HELZ2: variants seen among roughly 807,000 people sequenced by gnomAD.
HELZ2 encodes helicase with zinc finger 2, also known as 3'-5' exoribonuclease HELZ2.
In HELZ2, 143 loss-of-function variants were observed where a neutral mutation model predicts 208.8. The ratio of observed to expected loss-of-function variants is 0.68; its 90% CI spans 0.60 to 0.79. HELZ2 has a LOEUF of 0.79. Among genes scored for constraint, HELZ2 ranks in the 30% least tolerant of loss-of-function variants. HELZ2 has a pLI of 0.00. For missense variants in HELZ2, 3,690 were observed against 3,794.5 expected (o/e 0.97, Z 0.72); for synonymous variants, 1,705 against 1,693.7 (o/e 1.01, Z -0.16).
upstream of HELZ2, chr20:63,572,497 C>T (rs1389095910): frequency 8.5e-7 from 1 of 1,182,766 alleles, no homozygotes; most frequent in African/African-American, 1.5e-5. Flanking sequence ...GCCGCGGCCT[C>T]ACCACCACAA....
At chr20:63,564,496 G>A (rs1260471357) in exon 8 of HELZ2, 1 of 1,587,558 alleles carries the variant, frequency 6.3e-7, no homozygotes, top group South Asian at 1.1e-5. Context: ...CAAAGCGCAG[G>A]CTCTTCAGCT....
At chr20:63,568,896 G>A (rs1445433142) in exon 5 of HELZ2, 2 of 1,611,422 alleles carry the variant, frequency 1.2e-6, no homozygotes, top group Non-Finnish European at 1.7e-6. Flanking sequence ...AGGGAGGAGG[G>A]GACGGGGACC....
At chr20:63,573,786 C>T (rs749034610), upstream of HELZ2, among the ~76,000 whole-genome samples, 4 of 152,100 alleles carry the variant, frequency 2.6e-5, no homozygotes, top group Non-Finnish European at 2.9e-5. This position sits in a 1 kb window ranked among gnomAD's most constrained non-coding sequence, Gnocchi z 4.9. Flanking sequence ...GGGTCCCCAC[C>T]GCAGCTGGGA....
rs373158580 is a variant in HELZ2 at position 63,565,914 on chromosome 20, C to A, written c.2908G>T (p.Ala970Ser). ...GGGGCAGCCTCCCAGTTCCCCGCTG[C>A]CCCAGCCTGTGTGCCTCGGGGAGGC... is the stretch of plus-strand genomic sequence containing the variant. Residue 970 changes from alanine (A) to serine (S), a missense_variant, in exon 8 of 19, where the codon GCA (alanine) becomes TCA (serine). Physicochemically the swap from Ala to Ser is moderately conservative, Grantham distance 99. This residue lies in a region of HELZ2 where 2,564 missense variants were observed against 2,580.5 expected (regional missense o/e 0.99). Transcript: ENST00000467148. 1.8e-5 allele frequency: 28 copies of A among 1,598,026 alleles called. No individual in the cohort carries two copies. In the African/African-American group the frequency reaches 3.5e-4, roughly 20 times the overall value.
chr20:63,565,343 C>T, exon 8 of HELZ2: 3 of 1,606,804 alleles, frequency 1.9e-6, no homozygotes, highest in South Asian at 1.1e-5. Flanking sequence ...ACAGTCCAGG[C>T]GGCCCCTGAC....
chr20:63,563,608 C>G, exon 8 of HELZ2: 1 of 1,537,416 alleles, frequency 6.5e-7, no homozygotes, highest in Non-Finnish European at 8.7e-7. Flanking sequence ...CCAGCTTGTC[C>G]AGAGGCTGGG....
rs200398296 is a variant in HELZ2, at chr20:63,566,892, C to T, written c.2466G>A (p.Trp822Ter). The T allele has an allele frequency of 1.9e-6, 3 of 1,608,090 alleles. No homozygotes were observed. Among genetic ancestry groups the T allele is most frequent in the Non-Finnish European group, 2.5e-6 (3 of 1,179,824 alleles). The change falls in exon 6 of 19, where the codon TGG becomes TGA. Residue 822 changes from tryptophan to a stop codon, truncating the protein, a stop_gained. Transcript: ENST00000467148. LOFTEE classifies it high-confidence loss of function. The stretch of plus-strand genomic sequence containing the variant: ...AGATGCACCTCTGCTCGCGGCCGCC[C>T]CAGCAGCTGGGCCAGGTGTTGTAGG...
At chr20:63,573,313 G>A (rs2146025665), upstream of HELZ2, 1 of 152,384 alleles carries the variant, frequency 6.6e-6, no homozygotes, top group East Asian at 1.9e-4. The surrounding 1 kb of genome is among the most constrained non-coding windows in gnomAD (Gnocchi z 4.9). Flanking sequence ...GCAAGGAGCT[G>A]GGGATCTGCC....
At chr20:63,561,645 C>T (rs776666545) in exon 12 of HELZ2, 29 of 1,612,126 alleles carry the variant, frequency 1.8e-5, no homozygotes, top group Non-Finnish European at 2.1e-5. Flanking sequence ...TCTTCCTGAG[C>T]AGCTTCCTGC....
At chr20:63,559,711 G>A (rs374802285) in intron 18 of HELZ2, among the ~76,000 whole-genome samples, 1 of 86,836 alleles carries the variant, frequency 1.2e-5, no homozygotes. Context: ...TCAGGGTCAG[G>A]TGGGAGTCAG....
chr20:63,567,336 C>T (rs753976619), exon 6 of HELZ2: 9 of 1,607,012 alleles, frequency 5.6e-6, no homozygotes, highest in South Asian at 1.1e-5. Context: ...GGGCCTCGCA[C>T]TCCAGCATCT....
chr20:63,572,067 G>T (rs781731248), intron 1 of HELZ2, 41 bp downstream of exon 2: 3 of 1,555,564 alleles, frequency 1.9e-6, no homozygotes, highest in Middle Eastern at 2.1e-4. Context: ...CCTATGGTGG[G>T]CTCCTGCCCT....
chr20:63,572,598 G>T, upstream of HELZ2: 1 of 550,310 alleles, frequency 1.8e-6, no homozygotes, highest in Non-Finnish European at 3.2e-6. Context: ...GGGTCCACGC[G>T]ACAGATGCAT....
In HELZ2 at chr20:63,566,838, G is replaced by A; in HGVS notation, c.2514+6C>T. The A allele has an allele frequency of 6.3e-7, 1 of 1,586,942 alleles. No homozygotes were observed. Among genetic ancestry groups the A allele is most frequent in the Non-Finnish European group, 8.5e-7 (1 of 1,170,482 alleles). ...TCGGGGGCTGTCCCGGGCTGGCCGG[G>A]CTCACCTGGGCACCGTGGGAAACGA... On this transcript the variant is annotated splice_donor_region_variant and intron_variant, in intron 6 of 18. Transcript: ENST00000467148.
exon 18 of HELZ2, chr20:63,559,935 GCAGAGC>G: frequency 2.5e-6 from 4 of 1,610,004 alleles, no homozygotes; most frequent in Non-Finnish European, 3.4e-6. Flanking sequence ...CACCGATCAG[GCAGAGC>G]CCCTCCTGGG....
exon 1 of HELZ2, chr20:63,572,121 C>T (rs761975922): frequency 1.1e-5 from 18 of 1,609,776 alleles, no homozygotes; most frequent in South Asian, 7.7e-5. Flanking sequence ...GGGCAGAGCT[C>T]GAACTTGGAG....
chr20:63,570,665 C>CCCCCCCCCCG lies in HELZ2; in HGVS notation c.462+19_462+20insCGGGGGGGGG. 8.4e-6 allele frequency: 13 copies of CCCCCCCCCCG among 1,548,074 alleles called. No homozygotes were observed. The highest frequency in any genetic ancestry group is 1.1e-5 in the Non-Finnish European group (12 of 1,128,582). On this transcript the variant is annotated intron_variant, in intron 2 of 18. Coordinates refer to ENST00000467148, the Ensembl canonical transcript of HELZ2. ...GGCCTGGACCCCACCCCACCCCACC[C>CCCCCCCCCCG]ACTCCCAGGGCCCACTTACCACAAG... is the stretch of plus-strand genomic sequence containing the variant.
At chr20:63,568,288 T>C in intron 5 of HELZ2, 70 bp downstream of exon 6, 9 of 1,192,888 alleles carry the variant, frequency 7.5e-6, no homozygotes, top group South Asian at 2.5e-5. Flanking sequence ...ATCCAGGGGG[T>C]GACCGCCTGC....
chr20:63,570,733 C>T, exon 2 of HELZ2: 1 of 1,608,140 alleles, frequency 6.2e-7, no homozygotes, highest in Non-Finnish European at 8.5e-7. Flanking sequence ...GCAGCCGCTC[C>T]TGGTAGGGCA....
Sources: allele counts gnomAD v4.1 joint callset (sites outside exome capture counted in the v4.1 genomes callset), GRCh38; gene constraint gnomAD v4.1.1; regional missense constraint gnomAD v4.1.1; non-coding constraint Gnocchi (gnomAD v3.1); transcripts MANE v1.5; gene names NCBI Gene and HGNC (gene_info 2026-07-23, HGNC 2026-07-21).